FBXL7: variants seen among roughly 807,000 people sequenced by gnomAD.
FBXL7 encodes F-box/LRR-repeat protein 7.
A neutral mutation model predicts 38.3 loss-of-function variants in FBXL7; 12 were observed. The ratio of observed to expected loss-of-function variants is 0.31; its 90% CI spans 0.20 to 0.51. The LOEUF is 0.51. Among genes scored for constraint, FBXL7 ranks in the 20% least tolerant of loss-of-function variants. The pLI is 0.98. For synonymous variants in FBXL7, 297 were observed against 300.9 expected (o/e 0.99, Z 0.13); for missense variants, 567 against 676.4 (o/e 0.84, Z 1.79).
At chr5:15,902,273 C>T (rs975629482) in intron 2 of FBXL7, among the ~76,000 whole-genome samples, 1 of 152,148 alleles carries the variant, frequency 6.6e-6, no homozygotes, top group African/African-American at 2.4e-5. Context: ...TTAGAAGGCT[C>T]AGAAGCCCCA....
chr5:15,607,676 A>G (rs1160276430), intron 1 of FBXL7, among the ~76,000 whole-genome samples: 1 of 152,204 alleles, frequency 6.6e-6, no homozygotes, highest in Non-Finnish European at 1.5e-5. Flanking sequence ...GGAAGAAAAA[A>G]CCAGGACATT....
At chr5:15,646,670 G>A (rs900849552) in intron 2 of FBXL7, among the ~76,000 whole-genome samples, 5 of 152,152 alleles carry the variant, frequency 3.3e-5, no homozygotes, top group Non-Finnish European at 5.9e-5. Context: ...TTGTTGTTTT[G>A]CAATCCCCTA....
chr5:15,684,087 C>T (rs1172568870), intron 2 of FBXL7, among the ~76,000 whole-genome samples: 1 of 151,924 alleles, frequency 6.6e-6, no homozygotes, highest in Admixed American at 6.6e-5. Flanking sequence ...TAACATGCTC[C>T]CATTAGTGCA....
intron 2 of FBXL7, among the ~76,000 whole-genome samples, chr5:15,795,290 C>T (rs540693778): frequency 2.0e-5 from 3 of 152,178 alleles, no homozygotes; most frequent in Non-Finnish European, 2.9e-5. Context: ...TTTACACTCA[C>T]AGAACTAGCA....
At chr5:15,660,283 T>C (rs1019093804) in intron 2 of FBXL7, among the ~76,000 whole-genome samples, 10 of 152,246 alleles carry the variant, frequency 6.6e-5, no homozygotes, top group African/African-American at 2.2e-4. Context: ...TCATTAACAA[T>C]CACTGAAGCA....
chr5:15,691,967 A>G (rs916873885), intron 2 of FBXL7, among the ~76,000 whole-genome samples: 1 of 152,100 alleles, frequency 6.6e-6, no homozygotes, highest in African/African-American at 2.4e-5. Flanking sequence ...GCAATCATAT[A>G]AGACTGGTGT....
At chr5:15,756,990 T>A (rs1736315347) in intron 2 of FBXL7, among the ~76,000 whole-genome samples, 1 of 152,172 alleles carries the variant, frequency 6.6e-6, no homozygotes, top group African/African-American at 2.4e-5. Context: ...ATATGAAGGT[T>A]TTCTAAACAG....
At chr5:15,822,626 T>C (rs1156831765) in intron 2 of FBXL7, among the ~76,000 whole-genome samples, 6 of 113,228 alleles carry the variant, frequency 5.3e-5, no homozygotes, top group African/African-American at 1.0e-4. Flanking sequence ...GTTGCTCTTT[T>C]TTTTTTTTTT....
intron 2 of FBXL7, among the ~76,000 whole-genome samples, chr5:15,784,692 T>C (rs569378087): frequency 1.3e-5 from 2 of 152,030 alleles, no homozygotes; most frequent in Non-Finnish European, 2.9e-5. Context: ...GCTCTCACCA[T>C]GTAACATGCC....
chr5:15,601,301 G>A (rs1739782063), intron 1 of FBXL7, among the ~76,000 whole-genome samples: 1 of 152,102 alleles, frequency 6.6e-6, no homozygotes, highest in African/African-American at 2.4e-5. Flanking sequence ...GCAAATTGTA[G>A]TGATGTTATT....
intron 2 of FBXL7, among the ~76,000 whole-genome samples, chr5:15,686,043 T>C (rs1453581875): frequency 6.6e-6 from 1 of 152,160 alleles, no homozygotes; most frequent in African/African-American, 2.4e-5. Context: ...CAACCAGGTG[T>C]GGTTTTTCAG....
At chr5:15,513,451 G>T (rs1042356053) in intron 1 of FBXL7, among the ~76,000 whole-genome samples, 2 of 152,232 alleles carry the variant, frequency 1.3e-5, no homozygotes, top group African/African-American at 4.8e-5. Context: ...AGCTTTTGGA[G>T]TTGGAACTTG....
chr5:15,912,379 C>G (rs1170395685), intron 2 of FBXL7, among the ~76,000 whole-genome samples: 1 of 138,926 alleles, frequency 7.2e-6, no homozygotes, highest in Non-Finnish European at 1.5e-5. Flanking sequence ...CGCCCTGCTT[C>G]GGCTCGCGCA....
intron 2 of FBXL7, among the ~76,000 whole-genome samples, chr5:15,620,417 T>G (rs923398930): frequency 2.9e-4 from 44 of 150,702 alleles, no homozygotes; most frequent in Admixed American, 7.9e-4. Flanking sequence ...TTTTTTGTTT[T>G]TTTTTTTTTT....
chr5:15,535,248 G>T (rs886609593), intron 1 of FBXL7, among the ~76,000 whole-genome samples: 1 of 152,148 alleles, frequency 6.6e-6, no homozygotes, highest in East Asian at 1.9e-4. Flanking sequence ...ACAGAAAATT[G>T]TTACAAGGAA....
chr5:15,905,681 G>A (rs575996383), intron 2 of FBXL7, among the ~76,000 whole-genome samples: 84 of 152,218 alleles, frequency 5.5e-4, no homozygotes, highest in African/African-American at 1.9e-3. Context: ...ACATTTGCTG[G>A]CAAGAATTAA....
chr5:15,752,330 G>A (rs201225593), intron 2 of FBXL7, among the ~76,000 whole-genome samples: 3,400 of 88,396 alleles, frequency 0.038, 89 homozygotes, highest in East Asian at 0.14. Flanking sequence ...CAAATCTTGG[G>A]GGAAAAATGG....
intron 2 of FBXL7, among the ~76,000 whole-genome samples, chr5:15,684,354 T>G (rs1742945582): frequency 6.6e-6 from 1 of 152,166 alleles, no homozygotes; most frequent in Non-Finnish European, 1.5e-5. Flanking sequence ...TCTACCTCTG[T>G]AGGGTATGGG....
intron 2 of FBXL7, among the ~76,000 whole-genome samples, chr5:15,913,801 G>A (rs1741508403): frequency 6.6e-6 from 1 of 152,174 alleles, no homozygotes; most frequent in Non-Finnish European, 1.5e-5. Context: ...AGAAAGAGCT[G>A]GCTCCTTTCC....
Sources: gnomAD v4.1 joint callset for allele counts (sites outside exome capture counted in the v4.1 genomes callset) on GRCh38, gnomAD v4.1.1 for gene constraint, MANE v1.5 for transcripts, NCBI Gene and HGNC (gene_info 2026-07-23, HGNC 2026-07-21) for gene names.